Variants in VSNL1 observed in about 807,000 individuals in gnomAD.
VSNL1 encodes the protein visinin like 1.
Under a neutral mutation model 20.4 loss-of-function variants are expected in VSNL1, and 6 were observed. The ratio of observed to expected loss-of-function variants is 0.29; its 90% CI spans 0.16 to 0.58. The LOEUF (loss-of-function observed/expected upper bound fraction) is 0.58. Ranked by LOEUF, VSNL1 falls within the 20% of genes least tolerant of loss-of-function variation. The pLI is 0.90. For synonymous variants in VSNL1, 93 were observed against 86.4 expected (o/e 1.08, Z -0.42); for missense variants, 100 against 234.5 (o/e 0.43, Z 3.75).
intron 1 of VSNL1, among the ~76,000 whole-genome samples, chr2:17,577,581 T>C (rs1664245757): frequency 6.6e-6 from 1 of 152,164 alleles, no homozygotes; most frequent in Non-Finnish European, 1.5e-5. Flanking sequence ...AAATGTCCTC[T>C]CTTGAGTCTT....
At chr2:17,579,974 C>G (rs1315326776) in intron 1 of VSNL1, among the ~76,000 whole-genome samples, 1 of 152,122 alleles carries the variant, frequency 6.6e-6, no homozygotes, top group Non-Finnish European at 1.5e-5. Flanking sequence ...AAGTTGTGAT[C>G]GGGAGACACA....
chr2:17,569,987 T>C (rs1664044156), intron 1 of VSNL1, among the ~76,000 whole-genome samples: 1 of 152,244 alleles, frequency 6.6e-6, no homozygotes, highest in Admixed American at 6.5e-5. Context: ...TTTTAAAGTT[T>C]TTATTTTGGA....
chr2:17,569,300 C>G (rs1242539178), intron 1 of VSNL1, among the ~76,000 whole-genome samples: 1 of 148,774 alleles, frequency 6.7e-6, no homozygotes, highest in Non-Finnish European at 1.5e-5. Flanking sequence ...GAGCGAGACC[C>G]TGTCTCAAAA....
intron 1 of VSNL1, among the ~76,000 whole-genome samples, chr2:17,552,064 G>A (rs1359971730): frequency 6.6e-6 from 1 of 151,822 alleles, no homozygotes; most frequent in African/African-American, 2.4e-5. Context: ...GCAGGGCGTG[G>A]TGGCGGGTGC....
intron 2 of VSNL1, among the ~76,000 whole-genome samples, chr2:17,643,556 C>T (rs1665928472): frequency 6.6e-6 from 1 of 152,176 alleles, no homozygotes; most frequent in African/African-American, 2.4e-5. Context: ...TTACTGAGCA[C>T]CTACTGTGTG....
chr2:17,648,355 C>T (rs770482146), intron 2 of VSNL1, among the ~76,000 whole-genome samples: 3 of 152,132 alleles, frequency 2.0e-5, no homozygotes, highest in East Asian at 3.9e-4. Context: ...GAGGGCTCCT[C>T]GAGGTAGATA....
intron 2 of VSNL1, among the ~76,000 whole-genome samples, chr2:17,607,126 G>GT (rs1664961688): frequency 6.6e-6 from 1 of 152,140 alleles, no homozygotes; most frequent in Non-Finnish European, 1.5e-5. Context: ...CTGTCTTAGT[G>GT]GGGTCTTATG....
intron 2 of VSNL1, among the ~76,000 whole-genome samples, chr2:17,627,138 G>GC (rs1364210894): frequency 6.6e-6 from 1 of 152,170 alleles, no homozygotes; most frequent in Non-Finnish European, 1.5e-5. Context: ...CCACATCACA[G>GC]CCCGTGGCTG....
chr2:17,594,319 T>G (rs1664664995), intron 2 of VSNL1, among the ~76,000 whole-genome samples: 1 of 152,214 alleles, frequency 6.6e-6, no homozygotes, highest in South Asian at 2.1e-4. Context: ...CAACTCTGCC[T>G]GTACTCTTAT....
intron 2 of VSNL1, among the ~76,000 whole-genome samples, chr2:17,631,960 C>G (rs1043123662): frequency 2.0e-5 from 3 of 152,238 alleles, no homozygotes; most frequent in African/African-American, 7.2e-5. Context: ...GATCTCAGCT[C>G]TCTACAGCCT....
chr2:17,653,936 T>G (rs1376561589), intron 3 of VSNL1, among the ~76,000 whole-genome samples: 1 of 152,224 alleles, frequency 6.6e-6, no homozygotes, highest in Admixed American at 6.5e-5. Context: ...CTCCATGGAT[T>G]TGGCTCCCTT....
In VSNL1 at chr2:17,584,341, G is replaced by A. The variant is rs1248440147; in HGVS notation, c.-5-7729G>A. Among the ~76,000 whole-genome samples, 3 of 152,112 alleles carry A rather than the reference G, an allele frequency of 2.0e-5. No individual in the cohort carries two copies. The East Asian group carries it at 5.8e-4, about 29-fold the overall frequency. On this transcript the variant is annotated intron_variant, in intron 1 of 3. Transcript: ENST00000295156. ...CAAGTATGGCTTGGGTCTAAGTCAT[G>A]TTTCCCAGGCACTCAGGAAATGTTC...
At chr2:17,653,076 G>C (rs957498304) in intron 3 of VSNL1, among the ~76,000 whole-genome samples, 1 of 152,186 alleles carries the variant, frequency 6.6e-6, no homozygotes, top group African/African-American at 2.4e-5. Flanking sequence ...ACAGTGAAAG[G>C]CAAGTCAGTA....
intron 1 of VSNL1, among the ~76,000 whole-genome samples, chr2:17,581,580 G>A (rs550779604): frequency 9.9e-5 from 15 of 152,274 alleles, no homozygotes; most frequent in African/African-American, 3.6e-4. Context: ...TAACAGGCTT[G>A]TGTCATTATT....
At chr2:17,563,257 A>G (rs1389705551) in intron 1 of VSNL1, among the ~76,000 whole-genome samples, 1 of 152,202 alleles carries the variant, frequency 6.6e-6, no homozygotes, top group East Asian at 1.9e-4. Flanking sequence ...TTATAAAATT[A>G]TCTCCATTTA....
At position 17,655,433 on chromosome 2, in the gene VSNL1, G is replaced by T; in HGVS notation, c.*39G>T. 2 of 1,441,628 alleles carry T rather than the reference G, an allele frequency of 1.4e-6. No individual in the cohort carries two copies. The highest frequency in any genetic ancestry group is 1.9e-6 in the Non-Finnish European group (2 of 1,047,888). The allele number at this position is 1,441,628 out of a possible 1,614,324, so 89.3% of individuals were successfully genotyped here. On this transcript the variant is annotated 3_prime_UTR_variant, in exon 4 of 4. Coordinates refer to ENST00000295156, the MANE Select transcript of VSNL1 (RefSeq NM_003385.5). The surrounding 1 kb of genome is among the most constrained non-coding windows in gnomAD (Gnocchi z 5.2). ...CTATGGACTGCACAAAAGTCTCAATGTTCCATTCAGTCTGCAGCTATTCAC... is the reference window on the plus strand; with the variant it reads ...CTATGGACTGCACAAAAGTCTCAATTTTCCATTCAGTCTGCAGCTATTCAC...
chr2:17,595,507 T>C (rs1389892795), intron 2 of VSNL1, among the ~76,000 whole-genome samples: 1 of 152,234 alleles, frequency 6.6e-6, no homozygotes, highest in Non-Finnish European at 1.5e-5. Context: ...ACTTTTCTAT[T>C]AACCTTTTAG....
intron 2 of VSNL1, among the ~76,000 whole-genome samples, chr2:17,612,886 C>T (rs576372784): frequency 6.6e-6 from 1 of 152,188 alleles, no homozygotes; most frequent in Admixed American, 6.5e-5. Context: ...AGGCCCAGGG[C>T]TCAGTCCCCA....
rs534733612 is a variant in VSNL1 at position 17,614,851 on chromosome 2, G to A, written c.162+22615G>A. Among the ~76,000 whole-genome samples, 17 of 152,322 alleles carry A rather than the reference G, an allele frequency of 1.1e-4. No individual in the cohort carries two copies. In the South Asian group the frequency reaches 3.5e-3, roughly 32 times the overall value. ...AGAGCTGGGTTCCAAGTTTCAGTGA[G>A]CCTCTGTTTCCTCATTTGTAAGATG... On this transcript the variant is annotated intron_variant, in intron 2 of 3. Coordinates refer to ENST00000295156, the MANE Select transcript of VSNL1 (RefSeq NM_003385.5).
Sources: allele counts gnomAD v4.1 joint callset (sites outside exome capture counted in the v4.1 genomes callset), GRCh38; gene constraint gnomAD v4.1.1; non-coding constraint Gnocchi (gnomAD v3.1); transcripts MANE v1.5; gene names NCBI Gene and HGNC (gene_info 2026-07-23, HGNC 2026-07-21).